Variants in KIAA1217 observed in about 807,000 individuals in gnomAD.
KIAA1217 encodes KIAA1217, also known as sickle tail protein homolog.
KIAA1217 carries 88 observed loss-of-function variants against 163.9 expected under a neutral mutation model. That is an observed-to-expected ratio of 0.54 (90% confidence interval 0.45 to 0.64). KIAA1217 has a LOEUF of 0.64. Among genes scored for constraint, KIAA1217 ranks in the 30% least tolerant of loss-of-function variants. The pLI, the probability that KIAA1217 is intolerant of heterozygous loss-of-function variation, is 0.00. For missense variants in KIAA1217, 2,372 were observed against 2,475.0 expected, an observed-to-expected ratio of 0.96 and a Z score of 0.88; for synonymous variants, 903 against 923.1, an observed-to-expected ratio of 0.98 and a Z score of 0.39.
chr10:24,495,182 A>C lies in KIAA1217; in HGVS notation c.1820A>C (p.His607Pro). 1.2e-6 allele frequency: 2 copies of C among 1,613,408 alleles called. No homozygotes were observed. Among genetic ancestry groups the C allele is most frequent in the African/African-American group, 2.7e-5 (2 of 74,936 alleles). The change falls in exon 8 of 21, where the codon CAC (histidine) becomes CCC (proline). Residue 607 changes from histidine to proline, a missense_variant. By Grantham distance (77) the His-to-Pro change is moderately conservative. Coordinates refer to ENST00000376454, the MANE Select transcript of KIAA1217 (RefSeq NM_019590.5). ...ATGAAAACCACAGCCAACAGGAACC[A>C]CACAGATAGTGCAGGTAAGTAAGTG... ...KMMKTTANRN[H>P]TDSAGTPHVS... is the part of the protein sequence containing the mutation.
intron 17 of KIAA1217, among the ~76,000 whole-genome samples, chr10:24,542,198 C>T (rs2075198886): frequency 1.3e-5 from 2 of 152,196 alleles, no homozygotes; most frequent in African/African-American, 2.4e-5. Flanking sequence ...GTAAGGGGAA[C>T]TAAAATTCCC....
At chr10:24,344,002 T>C (rs935251728) in intron 2 of KIAA1217, among the ~76,000 whole-genome samples, 1 of 152,214 alleles carries the variant, frequency 6.6e-6, no homozygotes, top group South Asian at 2.1e-4. Context: ...TTATGGGCCA[T>C]GCAGGGGGAA....
intron 1 of KIAA1217, among the ~76,000 whole-genome samples, chr10:24,214,381 C>T (rs1303480511): frequency 6.6e-6 from 1 of 152,146 alleles, no homozygotes; most frequent in Non-Finnish European, 1.5e-5. Flanking sequence ...TGAGGCTCCT[C>T]CTGCCTTGTC....
At chr10:23,832,486 A>G (rs924124947) in intron 1 of KIAA1217, among the ~76,000 whole-genome samples, 1 of 152,118 alleles carries the variant, frequency 6.6e-6, no homozygotes, top group Admixed American at 6.6e-5. Flanking sequence ...GCCATTGGTG[A>G]TCATTCAATA....
intron 6 of KIAA1217, 145 bp from the exon 7 acceptor site, chr10:24,494,355 G>A (rs903940270): frequency 5.8e-5 from 38 of 654,764 alleles, no homozygotes; most frequent in South Asian, 2.6e-4. Context: ...AAGGATGTGC[G>A]GCTCTTCATG....
rs1396011622 is a variant in KIAA1217, at chr10:24,089,520, C to A, written c.-171+82146C>A. Among the ~76,000 whole-genome samples, 5 of 147,042 alleles carry A rather than the reference C, an allele frequency of 3.4e-5. 1 individual carries two copies. The South Asian group carries it at 1.1e-3, about 33-fold the overall frequency. ...GTTTCAGCTTTCTACATGTGGCTAGCCAGTTTTCCTGGCACCATTTATTAA... is the reference window on the plus strand; with the variant it reads ...GTTTCAGCTTTCTACATGTGGCTAGACAGTTTTCCTGGCACCATTTATTAA... On this transcript the variant is annotated intron_variant, in intron 2 of 18. Coordinates refer to the KIAA1217 transcript ENST00000376462.
chr10:23,783,696 G>T (rs1835360616), intron 1 of KIAA1217, among the ~76,000 whole-genome samples: 1 of 151,988 alleles, frequency 6.6e-6, no homozygotes. Flanking sequence ...TCATGGTTTT[G>T]TGGCTGTTTT....
intron 2 of KIAA1217, among the ~76,000 whole-genome samples, chr10:24,066,475 C>T (rs1564657940): frequency 6.6e-6 from 1 of 152,194 alleles, no homozygotes. Context: ...TTGGCCCCCA[C>T]TCCCTTCTGG....
intron 1 of KIAA1217, among the ~76,000 whole-genome samples, chr10:23,755,983 T>C (rs1259848744): frequency 6.6e-6 from 1 of 152,128 alleles, no homozygotes; most frequent in East Asian, 1.9e-4. Flanking sequence ...GACAGGGGTT[T>C]CACTCTGTCA....
chr10:23,762,029 A>G (rs1834282378), intron 1 of KIAA1217, among the ~76,000 whole-genome samples: 1 of 152,202 alleles, frequency 6.6e-6, no homozygotes, highest in Non-Finnish European at 1.5e-5. Flanking sequence ...TCCTGGACAC[A>G]TACACACTCC....
intron 1 of KIAA1217, among the ~76,000 whole-genome samples, chr10:23,903,899 A>G (rs1019329570): frequency 6.6e-6 from 1 of 152,140 alleles, no homozygotes; most frequent in Non-Finnish European, 1.5e-5. Flanking sequence ...TGTCAGCCAT[A>G]TATCTTCAGA....
chr10:23,937,036 G>A (rs915358944), intron 1 of KIAA1217, among the ~76,000 whole-genome samples: 2 of 152,070 alleles, frequency 1.3e-5, no homozygotes, highest in Non-Finnish European at 2.9e-5. Flanking sequence ...CTGCCATGAT[G>A]CCTAATTTTT....
intron 3 of KIAA1217, among the ~76,000 whole-genome samples, chr10:24,424,721 G>T (rs2059039563): frequency 6.6e-6 from 1 of 152,176 alleles, no homozygotes; most frequent in Non-Finnish European, 1.5e-5. Flanking sequence ...TCATGCCTCA[G>T]CCTCCCGAGT....
intron 5 of KIAA1217, among the ~76,000 whole-genome samples, chr10:24,472,207 G>A (rs923952523): frequency 6.6e-6 from 1 of 152,190 alleles, no homozygotes; most frequent in Non-Finnish European, 1.5e-5. Context: ...GCTTGGCCTT[G>A]CTCTCTCAGG....
chr10:24,456,019 G>T (rs570777297), intron 5 of KIAA1217, among the ~76,000 whole-genome samples: 3 of 152,186 alleles, frequency 2.0e-5, no homozygotes, highest in Non-Finnish European at 4.4e-5. Flanking sequence ...CCAAGTTGCT[G>T]GGACTAAAGG....
intron 1 of KIAA1217, among the ~76,000 whole-genome samples, chr10:23,902,852 A>G (rs1370963233): frequency 6.6e-6 from 1 of 152,104 alleles, no homozygotes; most frequent in African/African-American, 2.4e-5. Flanking sequence ...CACGTGGCCC[A>G]TACATGGGAG....
intron 2 of KIAA1217, among the ~76,000 whole-genome samples, chr10:24,320,248 A>G (rs1055731416): frequency 6.6e-6 from 1 of 152,250 alleles, no homozygotes; most frequent in South Asian, 2.1e-4. Context: ...CACTTCATGC[A>G]TGGAGATCTG....
chr10:23,704,172 G>GTGTGTGTATATATATATATATATA (rs1229370789), intron 1 of KIAA1217, among the ~76,000 whole-genome samples: 1 of 39,922 alleles, frequency 2.5e-5, no homozygotes, highest in Non-Finnish European at 4.1e-5. Context: ...GTGTGTGTGT[G>GTGTGTGTATATATATATATATATA]TATATATATA....
rs372503022 is a variant in KIAA1217 at position 24,152,464 on chromosome 10, GT to G, written c.-170-67160del. The stretch of plus-strand genomic sequence containing the variant: ...TATTTGTCATGTGTCCAAACTGAAA[GT>G]TAATGAATTACAAAATATTCTTATT... On this transcript the variant is annotated intron_variant, in intron 2 of 18. Coordinates refer to the KIAA1217 transcript ENST00000376462. Among the ~76,000 whole-genome samples, 99 of 152,248 alleles carry G rather than the reference GT, an allele frequency of 6.5e-4. 1 individual carries two copies. In the East Asian group the frequency reaches 0.018, roughly 28 times the overall value.
Sources: gnomAD v4.1 joint callset for allele counts (sites outside exome capture counted in the v4.1 genomes callset) on GRCh38, gnomAD v4.1.1 for gene constraint, MANE v1.5 for transcripts, NCBI Gene and HGNC (gene_info 2026-07-23, HGNC 2026-07-21) for gene names.